Variants in UCMA observed in about 807,000 individuals in gnomAD.
UCMA encodes the protein upper zone of growth plate and cartilage matrix-associated protein.
A neutral mutation model predicts 21.8 loss-of-function variants in UCMA; 21 were observed. The observed-to-expected ratio is 0.97, with a 90% CI of 0.68 to 1.39. The LOEUF (loss-of-function observed/expected upper bound fraction) is 1.39. Among genes scored for constraint, UCMA ranks in the 40% most tolerant of loss-of-function variants. The probability of loss-of-function intolerance (pLI) is 0.00; values close to 1 mark genes in which losing one functional copy is unlikely to be tolerated. For missense variants in UCMA, 193 were observed against 178.9 expected, an observed-to-expected ratio of 1.08 and a Z score of -0.45; for synonymous variants, 76 against 67.9, an observed-to-expected ratio of 1.12 and a Z score of -0.58.
intron 4 of UCMA, among the ~76,000 whole-genome samples, chr10:13,228,032 A>T (rs1834847116): frequency 6.6e-6 from 1 of 150,672 alleles, no homozygotes; most frequent in African/African-American, 2.4e-5. Flanking sequence ...CTGGCCAGAG[A>T]CACTGGACTC....
intron 3 of UCMA, among the ~76,000 whole-genome samples, chr10:13,231,056 A>G (rs916489847): frequency 7.8e-6 from 1 of 127,492 alleles, no homozygotes; most frequent in African/African-American, 3.0e-5. Context: ...TAAAATAAAT[A>G]AATAAATAAA....
At position 13,233,769 on chromosome 10, in the gene UCMA, G is replaced by A. The variant is rs1159200473; in HGVS notation, c.90C>T (p.Gly30=). 1 of 1,613,816 alleles carries A rather than the reference G, an allele frequency of 6.2e-7. No homozygotes were observed. Among genetic ancestry groups the A allele is most frequent in the Admixed American group, 1.7e-5 (1 of 59,952 alleles). The part of the protein sequence containing the change: ...MLREGTSVSV[G]TMQMAGEEAS... ...CCTCTTCTCCCGCCATCTGCATGGT[G>A]CCCACAGATACACTGGTTCCCTCTC... Residue 30 remains glycine (G), a synonymous_variant, in exon 2 of 5, where the codon GGC becomes GGT. Coordinates refer to ENST00000378681, the MANE Select transcript of UCMA (RefSeq NM_145314.3).
rs1834869106 is a variant in UCMA at position 13,229,482 on chromosome 10, G to A, written c.319+129C>T. ...GATCACACCACTGCATTCCAGCCTG[G>A]GCAACAGAGCAAGACTTCGTCTCAA... On this transcript the variant is annotated intron_variant, in intron 4 of 4. Transcript: ENST00000378681. 1.8e-5 allele frequency: 14 copies of A among 760,884 alleles called. No homozygotes were observed. In the South Asian group the frequency reaches 2.3e-4, roughly 12 times the overall value. The allele number at this position is 760,884 out of a possible 1,614,324, so 47.1% of individuals were successfully genotyped here.
chr10:13,229,577 A>G, intron 4 of UCMA, 34 bp downstream of exon 4: 3 of 1,579,356 alleles, frequency 1.9e-6, no homozygotes, highest in Non-Finnish European at 1.7e-6. Context: ...CCAACGCTCC[A>G]CCTCCCTGAA....
In UCMA at chr10:13,229,595, G is replaced by T; in HGVS notation, c.319+16C>A. 1.9e-6 allele frequency: 3 copies of T among 1,609,752 alleles called. No homozygotes were observed. The highest frequency in any genetic ancestry group is 1.7e-4 in the Middle Eastern group (1 of 6,046). On this transcript the variant is annotated intron_variant, in intron 4 of 4. Transcript: ENST00000378681. ...ACGCTCCACCTCCCTGAAGACACTG[G>T]CTGAAGAGCTCTTACCATCGTTTTG...
chr10:13,227,615 G>T (rs1252352754), intron 4 of UCMA, among the ~76,000 whole-genome samples: 4 of 151,442 alleles, frequency 2.6e-5, no homozygotes, highest in African/African-American at 4.9e-5. Context: ...CTACTTGGGA[G>T]GCTGAGACAG....
At chr10:13,222,357 G>A (rs1314552072) in intron 4 of UCMA, among the ~76,000 whole-genome samples, 157 bp from the exon 5 acceptor site, 1 of 152,188 alleles carries the variant, frequency 6.6e-6, no homozygotes, top group Non-Finnish European at 1.5e-5. Flanking sequence ...AGGATCCAGA[G>A]TATGTGAGCT....
rs779591601 is a variant in UCMA, at chr10:13,233,755, G to T, written c.104C>A (p.Ala35Glu). 1 of 1,613,906 alleles carries T rather than the reference G, an allele frequency of 6.2e-7. No individual in the cohort carries two copies. The highest frequency in any genetic ancestry group is 1.1e-5 in the South Asian group (1 of 91,074). The change falls in exon 2 of 5, where the codon GCG becomes GAG. Residue 35 changes from alanine to glutamate, a missense_variant. Ala to Glu is a moderately radical substitution (Grantham distance 107, BLOSUM62 -1). Coordinates refer to ENST00000378681, the MANE Select transcript of UCMA (RefSeq NM_145314.3). ...TSVSVGTMQM[A>E]GEEASEDAKQ... ...CTCACCTTCACTCGCCTCTTCTCCC[G>T]CCATCTGCATGGTGCCCACAGATAC...
intron 4 of UCMA, 128 bp downstream of exon 4, chr10:13,229,483 G>T (rs369257093): frequency 1.3e-6 from 1 of 764,988 alleles, no homozygotes; most frequent in Non-Finnish European, 2.1e-6. Flanking sequence ...TCCAGCCTGG[G>T]CAACAGAGCA....
chr10:13,222,533 G>C (rs746516470), intron 4 of UCMA, among the ~76,000 whole-genome samples: 3 of 152,102 alleles, frequency 2.0e-5, no homozygotes, highest in Non-Finnish European at 4.4e-5. Flanking sequence ...AGACGAAAAA[G>C]TAACAACACA....
intron 1 of UCMA, 98 bp downstream of exon 1, chr10:13,234,103 T>G: frequency 8.5e-7 from 1 of 1,174,116 alleles, no homozygotes; most frequent in Non-Finnish European, 1.2e-6. Flanking sequence ...ATAAGCATAC[T>G]CCTTTCTACC....
At chr10:13,232,766 C>T (rs531569641) in intron 3 of UCMA, among the ~76,000 whole-genome samples, 19 of 152,102 alleles carry the variant, frequency 1.2e-4, no homozygotes, top group Admixed American at 5.2e-4. Context: ...GCCAGAGACT[C>T]GGGAGATACT....
chr10:13,231,028 C>T (rs544368616), intron 3 of UCMA, among the ~76,000 whole-genome samples: 32 of 152,042 alleles, frequency 2.1e-4, no homozygotes, highest in Non-Finnish European at 2.9e-4. Context: ...GCCTGGGCAA[C>T]AGAGCGAGAC....
chr10:13,227,220 G>T (rs1834833823), intron 4 of UCMA, among the ~76,000 whole-genome samples: 1 of 152,200 alleles, frequency 6.6e-6, no homozygotes, highest in African/African-American at 2.4e-5. Flanking sequence ...CCCAGGGGTG[G>T]TTTCCTTTTC....
At chr10:13,229,519 A>G (rs1834869861) in intron 4 of UCMA, 92 bp downstream of exon 4, 1 of 1,244,968 alleles carries the variant, frequency 8.0e-7, no homozygotes, top group Non-Finnish European at 1.1e-6. Context: ...AAAAGAAAAA[A>G]AAAAAAAGTT....
chr10:13,223,979 G>C (rs1053187891), intron 4 of UCMA, among the ~76,000 whole-genome samples: 2 of 152,164 alleles, frequency 1.3e-5, no homozygotes, highest in Non-Finnish European at 2.9e-5. Context: ...TTTGGAAATA[G>C]CAGTGACTGT....
At chr10:13,232,602 A>T (rs191296772) in intron 3 of UCMA, among the ~76,000 whole-genome samples, 28 of 151,946 alleles carry the variant, frequency 1.8e-4, no homozygotes, top group East Asian at 1.5e-3. Context: ...AATTTTTTTT[A>T]AAAAAAGAAA....
chr10:13,229,507 AAAAAAG>A, intron 4 of UCMA, 98 bp downstream of exon 4: 2 of 1,099,162 alleles, frequency 1.8e-6, no homozygotes, highest in Non-Finnish European at 2.6e-6. Flanking sequence ...CTTCGTCTCA[AAAAAAG>A]AAAAAAAAAA....
intron 3 of UCMA, among the ~76,000 whole-genome samples, chr10:13,230,794 C>T (rs551062246): frequency 1.6e-4 from 24 of 152,326 alleles, no homozygotes; most frequent in South Asian, 6.2e-4. Context: ...TGGCGGCTCA[C>T]GCCTGTAATC....
Sources: allele counts gnomAD v4.1 joint callset (sites outside exome capture counted in the v4.1 genomes callset), GRCh38; gene constraint gnomAD v4.1.1; transcripts MANE v1.5; gene names NCBI Gene and HGNC (gene_info 2026-07-23, HGNC 2026-07-21).